Variants in NUP153 observed in about 807,000 individuals in gnomAD.
NUP153 encodes nucleoporin 153.
Under a neutral mutation model 134.6 loss-of-function variants are expected in NUP153, and 27 were observed. The ratio of observed to expected loss-of-function variants is 0.20; its 90% confidence interval spans 0.15 to 0.28. NUP153 has a LOEUF of 0.28. Ranked by LOEUF, NUP153 falls within the 10% of genes least tolerant of loss-of-function variation. The pLI is 1.00. For missense variants in NUP153, 1,821 were observed against 1,731.3 expected (o/e 1.05, Z -0.92); for synonymous variants, 640 against 623.5 (o/e 1.03, Z -0.40).
chr6:17,643,387 G>A (rs1045288537), intron 14 of NUP153, among the ~76,000 whole-genome samples: 6 of 152,110 alleles, frequency 3.9e-5, no homozygotes, highest in East Asian at 1.9e-4. Context: ...CACAAGAATC[G>A]CCTGAACCCA....
intron 9 of NUP153, among the ~76,000 whole-genome samples, chr6:17,663,224 GAAAAA>G (rs10588743): frequency 7.7e-6 from 1 of 129,208 alleles, no homozygotes; most frequent in African/African-American, 2.7e-5. Context: ...ATGCTAAAAA[GAAAAA>G]AATACACACA....
chr6:17,695,292 T>TGA (rs922764760), intron 1 of NUP153, among the ~76,000 whole-genome samples: 6 of 152,210 alleles, frequency 3.9e-5, no homozygotes, highest in African/African-American at 1.4e-4. Context: ...GTGTAGCCTA[T>TGA]GAGCTCATTA....
At chr6:17,693,216 A>ACACACT (rs761937441) in intron 1 of NUP153, among the ~76,000 whole-genome samples, 1 of 149,674 alleles carries the variant, frequency 6.7e-6, no homozygotes, top group African/African-American at 2.5e-5. Context: ...ACACACACAC[A>ACACACT]CTTATAAAAT....
At position 17,638,415 on chromosome 6, in the gene NUP153, C is replaced by T. The variant is rs575227337; in HGVS notation, c.1847-645G>A. Among the ~76,000 whole-genome samples the T allele has an allele frequency of 1.6e-4, 24 of 152,090 alleles. No homozygotes were observed. Among genetic ancestry groups the T allele is most frequent in the Admixed American group, 2.6e-4 (4 of 15,270 alleles). ...GATCTGTTTCTCCAGCCTTACCCGCCAAAGAAAAAGAAATTAAAAGGAGAG... is the reference window on the plus strand; with the variant it reads ...GATCTGTTTCTCCAGCCTTACCCGCTAAAGAAAAAGAAATTAAAAGGAGAG... On this transcript the variant is annotated intron_variant, in intron 15 of 21. Coordinates refer to ENST00000262077, the MANE Select transcript of NUP153 (RefSeq NM_005124.4). This position sits in a 1 kb window ranked among gnomAD's most constrained non-coding sequence, Gnocchi z 4.0.
chr6:17,624,006 T>G (rs1764783611), intron 20 of NUP153, among the ~76,000 whole-genome samples: 1 of 152,102 alleles, frequency 6.6e-6, no homozygotes, highest in Non-Finnish European at 1.5e-5. Flanking sequence ...TCACTTATAT[T>G]TTACACCCCT....
intron 15 of NUP153, 96 bp downstream of exon 15, chr6:17,639,843 G>A: frequency 8.8e-7 from 1 of 1,130,480 alleles, no homozygotes; most frequent in South Asian, 2.0e-5. Context: ...TACCAAACTA[G>A]TCAGAAATTT....
At chr6:17,668,173 T>A (rs1190913107) in intron 8 of NUP153, among the ~76,000 whole-genome samples, 1 of 148,676 alleles carries the variant, frequency 6.7e-6, no homozygotes, top group Non-Finnish European at 1.5e-5. Context: ...CCTCCCGGGT[T>A]CAAGTGATTC....
At chr6:17,646,016 T>G (rs1766152455) in intron 14 of NUP153, 51 bp downstream of exon 14, 1 of 733,904 alleles carries the variant, frequency 1.4e-6, no homozygotes, top group Admixed American at 2.5e-5. Flanking sequence ...GAAATACTAA[T>G]CTACTGTATG....
intron 1 of NUP153, among the ~76,000 whole-genome samples, chr6:17,698,925 G>T (rs1385070184): frequency 6.6e-6 from 1 of 150,594 alleles, no homozygotes; most frequent in Non-Finnish European, 1.5e-5. Flanking sequence ...CTCACTAAAA[G>T]TTACCTACAA....
At chr6:17,690,376 T>C (rs1428061190) in intron 1 of NUP153, among the ~76,000 whole-genome samples, 1 of 146,568 alleles carries the variant, frequency 6.8e-6, no homozygotes, top group Non-Finnish European at 1.5e-5. Flanking sequence ...CGAGACTCCG[T>C]CTCAAAAAAA....
intron 1 of NUP153, among the ~76,000 whole-genome samples, chr6:17,705,052 C>T (rs1026796568): frequency 6.6e-6 from 1 of 152,196 alleles, no homozygotes; most frequent in Non-Finnish European, 1.5e-5. Flanking sequence ...CCAACGCGCC[C>T]GACCCAAATC....
Position 17,669,031 on chromosome 6 carries a change from G to GAA in NUP153, c.1015-5_1015-4dup, listed in dbSNP as rs201122253. ...TCTATCCCACTCCTATCAAGAGGCT[G>GAA]AAAAAAAAAAAAAACACTATTAGAA... On this transcript the variant is annotated splice_polypyrimidine_tract_variant and splice_region_variant and intron_variant, in intron 7 of 21. Transcript: ENST00000262077. 0.02 allele frequency: 24,155 copies of GAA among 1,183,574 alleles called. 2 individuals are homozygous for GAA. The highest frequency in any genetic ancestry group is 0.022 in the Non-Finnish European group (19,492 of 892,718). 73.3% of individuals were successfully genotyped at this position (1,183,574 alleles called of 1,614,324 possible).
At chr6:17,623,734 A>G (rs1411200328) in intron 20 of NUP153, among the ~76,000 whole-genome samples, 2 of 152,244 alleles carry the variant, frequency 1.3e-5, no homozygotes, top group Non-Finnish European at 2.9e-5. Context: ...GACCCTTACA[A>G]GCCTTAGAGC....
At chr6:17,632,208 A>G (rs1205438303) in intron 17 of NUP153, among the ~76,000 whole-genome samples, 3 of 151,874 alleles carry the variant, frequency 2.0e-5, no homozygotes, top group East Asian at 1.9e-4. Context: ...AGGCTGAGGC[A>G]GGGAATTGCT....
chr6:17,635,542 T>C (rs1292558142), intron 16 of NUP153, among the ~76,000 whole-genome samples: 1 of 152,132 alleles, frequency 6.6e-6, no homozygotes, highest in Non-Finnish European at 1.5e-5. Context: ...GCTGGGACTA[T>C]AGGCGGGTGC....
intron 5 of NUP153, among the ~76,000 whole-genome samples, 193 bp from the exon 6 acceptor site, chr6:17,669,739 C>A (rs1025367869): frequency 6.6e-6 from 1 of 152,100 alleles, no homozygotes; most frequent in East Asian, 1.9e-4. Context: ...AAATCCAATT[C>A]TCTGATTGAG....
At chr6:17,665,159 T>G in intron 9 of NUP153, 80 bp downstream of exon 9, 1 of 1,034,728 alleles carries the variant, frequency 9.7e-7, no homozygotes, top group Non-Finnish European at 1.4e-6. Flanking sequence ...TAGAATACAA[T>G]GGTAGTTATA....
At chr6:17,637,024 A>G (rs1765582858) in intron 16 of NUP153, 129 bp downstream of exon 16, 1 of 920,956 alleles carries the variant, frequency 1.1e-6, no homozygotes, top group Non-Finnish European at 1.6e-6. Context: ...TTACCTCAAG[A>G]TAGTTTAGAA....
At chr6:17,672,090 G>A (rs992251544) in intron 5 of NUP153, among the ~76,000 whole-genome samples, 3 of 151,948 alleles carry the variant, frequency 2.0e-5, no homozygotes, top group Non-Finnish European at 4.4e-5. Flanking sequence ...AAAAGCAAAG[G>A]ACCTAAAAAA....
Sources: allele counts gnomAD v4.1 joint callset (sites outside exome capture counted in the v4.1 genomes callset), GRCh38; gene constraint gnomAD v4.1.1; non-coding constraint Gnocchi (gnomAD v3.1); transcripts MANE v1.5; gene names NCBI Gene and HGNC (gene_info 2026-07-23, HGNC 2026-07-21).